Variants in COLEC12 observed in about 807,000 individuals in gnomAD.
COLEC12 encodes the protein collectin-12.
Under a neutral mutation model 71.1 loss-of-function variants are expected in COLEC12, and 33 were observed. The ratio of observed to expected loss-of-function variants is 0.46; its 90% CI spans 0.35 to 0.62. COLEC12 has a LOEUF of 0.62. Among genes scored for constraint, COLEC12 ranks in the 20% least tolerant of loss-of-function variants. The pLI, the probability that COLEC12 is intolerant of heterozygous loss-of-function variation, is 0.00. For synonymous variants in COLEC12, 350 were observed against 353.0 expected (o/e 0.99, Z 0.10); for missense variants, 765 against 916.1 (o/e 0.84, Z 2.13).
intron 2 of COLEC12, among the ~76,000 whole-genome samples, chr18:447,449 C>T (rs1916674837): frequency 2.0e-5 from 3 of 152,170 alleles, no homozygotes; most frequent in African/African-American, 4.8e-5. Context: ...GGAAATTCAC[C>T]CACAGCTCTT....
At chr18:474,139 C>T (rs904628892) in intron 2 of COLEC12, among the ~76,000 whole-genome samples, 2 of 152,246 alleles carry the variant, frequency 1.3e-5, no homozygotes, top group South Asian at 2.1e-4. Flanking sequence ...GGAGTATGGC[C>T]GTGTCTGTGA....
rs1354717569 is a variant in COLEC12, at chr18:346,222, G to A, written c.1327+73C>T. On this transcript the variant is annotated intron_variant, in intron 5 of 9. Coordinates refer to ENST00000400256, the MANE Select transcript of COLEC12 (RefSeq NM_130386.3). The surrounding 1 kb of genome is among the most constrained non-coding windows in gnomAD (Gnocchi z 4.0). ...TGATGAATATTTATTGTTTTAAATTGCCAAGTTTTAGAGTAACTTGTTATG... is the reference window on the plus strand; with the variant it reads ...TGATGAATATTTATTGTTTTAAATTACCAAGTTTTAGAGTAACTTGTTATG... The A allele has an allele frequency of 1.2e-5, 14 of 1,153,944 alleles. No homozygotes were observed. The highest frequency in any genetic ancestry group is 1.7e-5 in the Non-Finnish European group (14 of 813,182). 71.5% of individuals were successfully genotyped at this position (1,153,944 alleles called of 1,614,324 possible).
In COLEC12 at chr18:500,237, G is replaced by T. The variant is rs1207904211; in HGVS notation, c.7+271C>A. Among the ~76,000 whole-genome samples, 3 of 152,192 alleles carry T rather than the reference G, an allele frequency of 2.0e-5. No homozygotes were observed. The highest frequency in any genetic ancestry group is 7.2e-5 in the African/African-American group (3 of 41,468). Reference sequence around the variant, plus strand: ...TTGGAAACGGGAATCCGTAAACAACGACTTAGGGCTTCAAACTACTTGCAA... The same window carrying T: ...TTGGAAACGGGAATCCGTAAACAACTACTTAGGGCTTCAAACTACTTGCAA... On this transcript the variant is annotated intron_variant, in intron 1 of 9. Coordinates refer to ENST00000400256, the MANE Select transcript of COLEC12 (RefSeq NM_130386.3). This position sits in a 1 kb window ranked among gnomAD's most constrained non-coding sequence, Gnocchi z 5.3.
intron 2 of COLEC12, among the ~76,000 whole-genome samples, chr18:441,756 G>C (rs1173179866): frequency 6.6e-6 from 1 of 152,082 alleles, no homozygotes; most frequent in Admixed American, 6.5e-5. Context: ...CAGCTCTCTG[G>C]GAGGCCAAGA....
At chr18:492,757 A>T (rs1254017834) in intron 1 of COLEC12, among the ~76,000 whole-genome samples, 4 of 152,192 alleles carry the variant, frequency 2.6e-5, no homozygotes, top group African/African-American at 9.7e-5. Flanking sequence ...TTTGAAATCC[A>T]TTAACGTTGT....
At chr18:446,167 T>A (rs1407830748) in intron 2 of COLEC12, among the ~76,000 whole-genome samples, 1 of 152,236 alleles carries the variant, frequency 6.6e-6, no homozygotes, top group African/African-American at 2.4e-5. Context: ...CTTTCACTTT[T>A]TCACTCTTAT....
At chr18:357,157 A>C (rs1914644911) in intron 3 of COLEC12, among the ~76,000 whole-genome samples, 1 of 152,204 alleles carries the variant, frequency 6.6e-6, no homozygotes, top group African/African-American at 2.4e-5. Flanking sequence ...GGGAAAAAAA[A>C]CTTTATAACT....
At chr18:468,029 C>T (rs1267179451) in intron 2 of COLEC12, among the ~76,000 whole-genome samples, 5 of 151,988 alleles carry the variant, frequency 3.3e-5, no homozygotes, top group Admixed American at 6.6e-5. Context: ...TTTGGGAGGC[C>T]GAGACAGGTG....
intron 2 of COLEC12, among the ~76,000 whole-genome samples, chr18:455,278 CTTTT>C (rs33915278): frequency 3.1e-4 from 41 of 132,480 alleles, no homozygotes; most frequent in Non-Finnish European, 5.1e-4. Context: ...TTATTTTACG[CTTTT>C]TTTTTTTTTT....
chr18:433,163 C>G (rs1274033883), intron 2 of COLEC12, among the ~76,000 whole-genome samples: 2 of 152,188 alleles, frequency 1.3e-5, no homozygotes, highest in Non-Finnish European at 2.9e-5. Flanking sequence ...AACAAGTTAA[C>G]ATGCTGAACC....
intron 2 of COLEC12, among the ~76,000 whole-genome samples, chr18:403,217 C>T (rs1029256311): frequency 4.6e-5 from 7 of 152,184 alleles, no homozygotes; most frequent in African/African-American, 1.2e-4. Context: ...TGGTTTGTTA[C>T]ATGTACACAT....
At chr18:456,317 T>A (rs556634262) in intron 2 of COLEC12, among the ~76,000 whole-genome samples, 1 of 152,270 alleles carries the variant, frequency 6.6e-6, no homozygotes, top group South Asian at 2.1e-4. Context: ...ACAACCTTCA[T>A]ACAAAACACA....
chr18:437,091 T>A (rs957952314), intron 2 of COLEC12, among the ~76,000 whole-genome samples: 2 of 152,034 alleles, frequency 1.3e-5, no homozygotes, highest in African/African-American at 4.8e-5. Context: ...GAAGCAGAAG[T>A]CATTGAGGAA....
At chr18:335,378 C>G in intron 5 of COLEC12, 148 bp from the exon 6 acceptor site, 1 of 840,832 alleles carries the variant, frequency 1.2e-6, no homozygotes, top group Non-Finnish European at 1.7e-6. Flanking sequence ...TATCATACTA[C>G]TGTAGACTGT....
intron 7 of COLEC12, 79 bp downstream of exon 7, chr18:332,928 C>A (rs565280333): frequency 1.3e-5 from 17 of 1,288,546 alleles, no homozygotes; most frequent in Admixed American, 1.3e-4. Flanking sequence ...ATCTCTGAAT[C>A]CCCAACAAGC....
intron 5 of COLEC12, among the ~76,000 whole-genome samples, chr18:339,148 C>A (rs1310675222): frequency 2.0e-5 from 3 of 152,152 alleles, no homozygotes; most frequent in African/African-American, 7.2e-5. Flanking sequence ...GTGGGGGGAG[C>A]TGTATTTCTT....
Position 362,512 on chromosome 18 carries a change from G to A in COLEC12, c.59-4990C>T, listed in dbSNP as rs1304025978. Among the ~76,000 whole-genome samples, 1 of 151,016 alleles carries A rather than the reference G, an allele frequency of 6.6e-6. No individual in the cohort carries two copies. The highest frequency in any genetic ancestry group is 1.5e-5 in the Non-Finnish European group (1 of 67,802). ...TAACATTCAAGAGAGATATCCCCCTGTTACCAGCCTTTGTAGTGTTTGTTT... is the reference window on the plus strand; with the variant it reads ...TAACATTCAAGAGAGATATCCCCCTATTACCAGCCTTTGTAGTGTTTGTTT... On this transcript the variant is annotated intron_variant, in intron 2 of 9. Transcript: ENST00000400256. The surrounding 1 kb of genome is among the most constrained non-coding windows in gnomAD (Gnocchi z 4.6).
chr18:478,623 TAATAA>T (rs1214959610), intron 2 of COLEC12, among the ~76,000 whole-genome samples: 1 of 152,068 alleles, frequency 6.6e-6, no homozygotes, highest in African/African-American at 2.4e-5. Context: ...AAAACTAAAA[TAATAA>T]AATAAAACAC....
intron 2 of COLEC12, among the ~76,000 whole-genome samples, chr18:424,587 G>A (rs1255507550): frequency 2.6e-5 from 4 of 152,176 alleles, no homozygotes; most frequent in Non-Finnish European, 5.9e-5. Context: ...CTGAAATTCA[G>A]TGTCCTTTAC....
Sources: gnomAD v4.1 joint callset for allele counts (sites outside exome capture counted in the v4.1 genomes callset) on GRCh38, gnomAD v4.1.1 for gene constraint, Gnocchi (gnomAD v3.1) non-coding constraint, MANE v1.5 for transcripts, NCBI Gene and HGNC (gene_info 2026-07-23, HGNC 2026-07-21) for gene names.